ATP2A2: variants seen among roughly 807,000 people sequenced by gnomAD.
ATP2A2 encodes the protein sarcoplasmic/endoplasmic reticulum calcium ATPase 2.
A neutral mutation model predicts 109.3 loss-of-function variants in ATP2A2; 14 were observed. The ratio of observed to expected loss-of-function variants is 0.13; its 90% confidence interval spans 0.08 to 0.20. ATP2A2 has a LOEUF of 0.20. ATP2A2 is among the 10% of genes least tolerant of loss of function. The pLI, the probability that ATP2A2 is intolerant of heterozygous loss-of-function variation, is 1.00. For synonymous variants in ATP2A2, 506 were observed against 490.9 expected (o/e 1.03, Z -0.41); for missense variants, 657 against 1,321.6 (o/e 0.50, Z 7.80).
Position 110,322,973 on chromosome 12 carries a change from T to C in ATP2A2, c.464-19T>C. 6.4e-7 allele frequency: 1 copy of C among 1,573,474 alleles called. No individual in the cohort carries two copies. Among genetic ancestry groups the C allele is most frequent in the Non-Finnish European group, 8.7e-7 (1 of 1,143,816 alleles). ...TTAAAAGTTGCTCATTTCAGCCGCC[T>C]TTTTTTTCTCCTAATTAGTTGGTGA... On this transcript the variant is annotated intron_variant, in intron 5 of 19. Transcript: ENST00000539276.
chr12:110,345,175 G>C (rs1360198059), intron 17 of ATP2A2, 74 bp from the exon 18 acceptor site: 2 of 1,609,544 alleles, frequency 1.2e-6, no homozygotes, highest in African/African-American at 2.7e-5. Context: ...TCTGTGCTAG[G>C]CTTGGTATGG....
intron 5 of ATP2A2, among the ~76,000 whole-genome samples, chr12:110,298,429 TC>T (rs1437248936): frequency 1.3e-5 from 2 of 152,154 alleles, no homozygotes; most frequent in Non-Finnish European, 2.9e-5. Flanking sequence ...TTTTAAAACT[TC>T]CTGTTTTGGC....
At chr12:110,288,559 C>G (rs1872918351) in intron 3 of ATP2A2, among the ~76,000 whole-genome samples, 1 of 152,068 alleles carries the variant, frequency 6.6e-6, no homozygotes, top group Non-Finnish European at 1.5e-5. Context: ...CGTCCACCAC[C>G]ACACTCGGCT....
intron 5 of ATP2A2, among the ~76,000 whole-genome samples, chr12:110,314,247 G>GA (rs1251037414): frequency 1.3e-5 from 2 of 151,172 alleles, no homozygotes; most frequent in Non-Finnish European, 2.9e-5. Flanking sequence ...AGAATCACTT[G>GA]AACCCAGGAG....
At chr12:110,300,083 C>T (rs988442503) in intron 5 of ATP2A2, among the ~76,000 whole-genome samples, 1 of 150,056 alleles carries the variant, frequency 6.7e-6, no homozygotes, top group African/African-American at 2.5e-5. Context: ...TCAGTCTGTC[C>T]GTCCGTCTGT....
chr12:110,309,116 T>C (rs899627628), intron 5 of ATP2A2, among the ~76,000 whole-genome samples: 3 of 147,420 alleles, frequency 2.0e-5, no homozygotes, highest in Admixed American at 7.0e-5. Context: ...GAGGGAGATA[T>C]GGAGAGAGAG....
chr12:110,292,285 C>G (rs1299345697), intron 4 of ATP2A2, among the ~76,000 whole-genome samples, 161 bp downstream of exon 4: 1 of 151,940 alleles, frequency 6.6e-6, no homozygotes. Context: ...TAATTGTTTT[C>G]TGACACAGTC....
rs368342942 is a variant in ATP2A2 at position 110,350,274 on chromosome 12, T to C, written c.*3804T>C. The stretch of plus-strand genomic sequence containing the variant: ...TCTGTATTTCATGAAGCTGATTTCC[T>C]CTCTCTTTCCTTTTCAGCAATACTG... On this transcript the variant is annotated 3_prime_UTR_variant, in exon 20 of 20. Coordinates refer to ENST00000539276, the MANE Select transcript of ATP2A2 (RefSeq NM_170665.4). The C allele has an allele frequency of 2.5e-6, 4 of 1,613,950 alleles. No individual in the cohort carries two copies. The highest frequency in any genetic ancestry group is 1.1e-5 in the South Asian group (1 of 91,080).
chr12:110,315,168 A>G lies in ATP2A2; in HGVS notation c.464-7824A>G, dbSNP rs932321108. ...GGCGTGAGCCATCGCGCCCGGCAAT[A>G]TACTGTTAACTGTATATATATCTGT... On this transcript the variant is annotated intron_variant, in intron 5 of 19. Coordinates refer to ENST00000539276, the MANE Select transcript of ATP2A2 (RefSeq NM_170665.4). 3.3e-5 allele frequency among the ~76,000 whole-genome samples: 5 copies of G among 152,172 alleles called. No homozygotes were observed. In the South Asian group the frequency reaches 1.0e-3, roughly 31 times the overall value.
At position 110,342,555 on chromosome 12, in the gene ATP2A2, G is replaced by A. The variant is rs1879457861; in HGVS notation, c.2318+107G>A. Reference sequence around the variant, plus strand: ...AGATTGCAGCAGCTTTGGTCTTTGTGCCTGAGTTGGAAGAGGGGAGTGGGC... The same window carrying A: ...AGATTGCAGCAGCTTTGGTCTTTGTACCTGAGTTGGAAGAGGGGAGTGGGC... On this transcript the variant is annotated intron_variant, in intron 15 of 19. Coordinates refer to ENST00000539276, the MANE Select transcript of ATP2A2 (RefSeq NM_170665.4). This position sits in a 1 kb window ranked among gnomAD's most constrained non-coding sequence, Gnocchi z 4.6. 7.5e-7 allele frequency: 1 copy of A among 1,333,548 alleles called. No homozygotes were observed. Among genetic ancestry groups the A allele is most frequent in the East Asian group, 2.5e-5 (1 of 40,160 alleles). The allele number at this position is 1,333,548 out of a possible 1,614,324, so 82.6% of individuals were successfully genotyped here. A position where few individuals can be genotyped will look rare whatever the true frequency, so the allele number is the denominator to read the frequency against.
At chr12:110,281,240 A>C (rs1444007212), upstream of ATP2A2, 1 of 151,038 alleles carries the variant, frequency 6.6e-6, no homozygotes, top group Non-Finnish European at 1.5e-5. Flanking sequence ...AGCGGCCGAT[A>C]AATGCTATTA....
chr12:110,287,347 C>T (rs1167223885), intron 3 of ATP2A2, among the ~76,000 whole-genome samples: 1 of 152,000 alleles, frequency 6.6e-6, no homozygotes, highest in Non-Finnish European at 1.5e-5. Flanking sequence ...AGAGATTAAT[C>T]TTGTGGATAA....
chr12:110,333,750 T>G (rs1592852111), intron 10 of ATP2A2, among the ~76,000 whole-genome samples: 1 of 152,148 alleles, frequency 6.6e-6, no homozygotes, highest in Non-Finnish European at 1.5e-5. Flanking sequence ...TATATTTGGG[T>G]GAAATAATAA....
chr12:110,326,313 G>A (rs558110992), intron 6 of ATP2A2, 77 bp from the exon 7 acceptor site: 2 of 1,305,318 alleles, frequency 1.5e-6, no homozygotes, highest in African/African-American at 1.5e-5. Flanking sequence ...GTGGTAATGG[G>A]TGGGCATGAA....
chr12:110,338,218 G>A (rs563334241), intron 11 of ATP2A2, among the ~76,000 whole-genome samples: 27 of 152,258 alleles, frequency 1.8e-4, no homozygotes, highest in Admixed American at 9.2e-4. Flanking sequence ...ATAATCAGTA[G>A]CCACTAGCTA....
chr12:110,343,082 T>TTTAA, intron 15 of ATP2A2, 150 bp from the exon 16 acceptor site: 1 of 861,880 alleles, frequency 1.2e-6, no homozygotes, highest in South Asian at 1.5e-5. Flanking sequence ...AAAATTGAGC[T>TTTAA]TTAATTCAAA....
chr12:110,284,477 T>TA (rs1334249633), intron 3 of ATP2A2, among the ~76,000 whole-genome samples: 1 of 152,204 alleles, frequency 6.6e-6, no homozygotes, highest in East Asian at 1.9e-4. Context: ...CCACTGGTGT[T>TA]ACTATTGGGG....
Position 110,346,067 on chromosome 12 carries a change from C to A in ATP2A2, c.2808C>A (p.Ile936=). Residue 936 remains isoleucine (I), a synonymous_variant, in exon 19 of 20, where the codon ATC becomes ATA. Coordinates refer to ENST00000539276, the MANE Select transcript of ATP2A2 (RefSeq NM_170665.4). ...AGAACATCTGGCTCGTGGGCTCCAT[C>A]TGCCTGTCCATGTCACTCCACTTCC... The part of the protein sequence containing the change: ...PWENIWLVGS[I]CLSMSLHFLI... The A allele has an allele frequency of 6.2e-7, 1 of 1,614,208 alleles. No homozygotes were observed. The highest frequency in any genetic ancestry group is 8.5e-7 in the Non-Finnish European group (1 of 1,180,036).
chr12:110,337,061 C>T (rs933792807), intron 11 of ATP2A2, among the ~76,000 whole-genome samples: 7 of 152,144 alleles, frequency 4.6e-5, no homozygotes, highest in African/African-American at 1.7e-4. Context: ...GGCTCACTAG[C>T]CAGTGACCAC....
Sources: allele counts gnomAD v4.1 joint callset (sites outside exome capture counted in the v4.1 genomes callset), GRCh38; gene constraint gnomAD v4.1.1; non-coding constraint Gnocchi (gnomAD v3.1); transcripts MANE v1.5; gene names NCBI Gene and HGNC (gene_info 2026-07-23, HGNC 2026-07-21).